Variants in EIF6 observed in about 807,000 individuals in gnomAD.
EIF6 encodes B4 integrin interactor.
In EIF6, 10 loss-of-function variants were observed where a neutral mutation model predicts 25.5. The ratio of observed to expected loss-of-function variants is 0.39; its 90% CI spans 0.24 to 0.66. The LOEUF (loss-of-function observed/expected upper bound fraction) is 0.66. Among genes scored for constraint, EIF6 ranks in the 30% least tolerant of loss-of-function variants. The pLI, the probability that EIF6 is intolerant of heterozygous loss-of-function variation, is 0.45. For missense variants in EIF6, 246 were observed against 315.4 expected, an observed-to-expected ratio of 0.78 and a Z score of 1.67; for synonymous variants, 122 against 122.6, an observed-to-expected ratio of 1.00 and a Z score of 0.03.
chr20:35,283,296 AT>A (rs370085356), intron 3 of EIF6, among the ~76,000 whole-genome samples: 16,927 of 122,052 alleles, frequency 0.14, 1,090 homozygotes, highest in South Asian at 0.25. Context: ...TCAAAAAAAA[AT>A]AATAATAATA....
intron 3 of EIF6, 122 bp from the exon 4 acceptor site, chr20:35,280,951 C>T (rs891873892): frequency 2.6e-6 from 3 of 1,156,388 alleles, no homozygotes; most frequent in African/African-American, 3.1e-5. Flanking sequence ...AGAGCCCAGC[C>T]CTCCAACCCA....
intron 6 of EIF6, 112 bp from the exon 7 acceptor site, chr20:35,279,318 C>T (rs2060749097): frequency 1.4e-6 from 2 of 1,392,394 alleles, no homozygotes; most frequent in Non-Finnish European, 2.0e-6. Flanking sequence ...ACAAGCTGCT[C>T]AAGCAGCTAC....
In EIF6 at chr20:35,278,924, G is replaced by C. The variant is rs1045698603; in HGVS notation, c.*273C>G. On this transcript the variant is annotated 3_prime_UTR_variant, in exon 7 of 7. Transcript: ENST00000374450. ...CCAAACATCACATTCAGAATGGCCC[G>C]GAGGGAACTGCACTTTAATGGGGTG... is the stretch of plus-strand genomic sequence containing the variant. 4 of 529,336 alleles carry C rather than the reference G, an allele frequency of 7.6e-6. No homozygotes were observed. In the Admixed American group the frequency reaches 1.3e-4, roughly 17 times the overall value. 32.8% of individuals were successfully genotyped at this position (529,336 alleles called of 1,614,324 possible). A position where few individuals can be genotyped will look rare whatever the true frequency, so the allele number is the denominator to read the frequency against.
chr20:35,279,225 G>A lies in EIF6; in HGVS notation c.729-19C>T, dbSNP rs537414301. ...GGTGAGGCTGAAGAGAAAGGAAAGCGCACGGTCAGTAGCTGTTTCACAGAG... is the reference window on the plus strand; with the variant it reads ...GGTGAGGCTGAAGAGAAAGGAAAGCACACGGTCAGTAGCTGTTTCACAGAG... On this transcript the variant is annotated intron_variant, in intron 6 of 6. Coordinates refer to ENST00000374450, the MANE Select transcript of EIF6 (RefSeq NM_002212.4). 111 of 1,613,068 alleles carry A rather than the reference G, an allele frequency of 6.9e-5. 1 individual carries two copies. In the Middle Eastern group the frequency reaches 1.2e-3, roughly 17 times the overall value.
intron 4 of EIF6, among the ~76,000 whole-genome samples, 167 bp downstream of exon 4, chr20:35,280,487 C>T (rs1324574053): frequency 6.6e-6 from 1 of 152,198 alleles, no homozygotes. Flanking sequence ...CTTTCTGACA[C>T]TTGATAAGGC....
rs1184627603 is a variant in EIF6 at position 35,279,625 on chromosome 20, C to T, written c.669G>A (p.Lys223=). The change falls in exon 6 of 7, where the codon AAG becomes AAA. Residue 223 remains lysine (K), a synonymous_variant. Coordinates refer to ENST00000374450, the MANE Select transcript of EIF6 (RefSeq NM_002212.4). ...TGGTGCTAGGCTGGGCTTCATTCAG[C>T]TTGAAGACACTCTCCACCACTGACA... is the stretch of plus-strand genomic sequence containing the variant. ...TELSVVESVF[K]LNEAQPSTIA... 6.2e-7 allele frequency: 1 copy of T among 1,614,196 alleles called. No individual in the cohort carries two copies. Among genetic ancestry groups the T allele is most frequent in the South Asian group, 1.1e-5 (1 of 91,086 alleles).
At position 35,284,772 on chromosome 20, in the gene EIF6, T is replaced by G. The variant is rs764272145; in HGVS notation, c.-52A>C. On this transcript the variant is annotated 5_prime_UTR_variant, in exon 1 of 7. Coordinates refer to ENST00000374450, the MANE Select transcript of EIF6 (RefSeq NM_002212.4). ...CGCACGCGGCGACTGTACCTTGGAC[T>G]CCCTAAAAAGGTTTCCGTTTCCACT... 1.1e-5 allele frequency: 5 copies of G among 451,262 alleles called. No homozygotes were observed. Among genetic ancestry groups the G allele is most frequent in the Non-Finnish European group, 2.0e-5 (5 of 251,034 alleles). The allele number at this position is 451,262 out of a possible 1,614,324, so 28.0% of individuals were successfully genotyped here.
chr20:35,284,579 C>T (rs2060809573), intron 1 of EIF6, 87 bp from the exon 2 acceptor site: 1 of 1,461,768 alleles, frequency 6.8e-7, no homozygotes, highest in Non-Finnish European at 9.3e-7. Context: ...GCCGCGACCC[C>T]GCCCCTCTCG....
intron 3 of EIF6, among the ~76,000 whole-genome samples, chr20:35,283,073 C>T (rs1410400615): frequency 6.6e-6 from 1 of 151,946 alleles, no homozygotes; most frequent in Non-Finnish European, 1.5e-5. Context: ...GGGAGGATCA[C>T]CTGAGGTCAG....
intron 3 of EIF6, among the ~76,000 whole-genome samples, chr20:35,282,995 C>T (rs906624448): frequency 3.3e-5 from 5 of 152,132 alleles, no homozygotes; most frequent in African/African-American, 1.2e-4. Context: ...ACAGATCCAG[C>T]TTAATGAAAG....
At chr20:35,280,943 A>G in intron 3 of EIF6, 114 bp from the exon 4 acceptor site, 1 of 1,243,558 alleles carries the variant, frequency 8.0e-7, no homozygotes, top group Non-Finnish European at 1.1e-6. Flanking sequence ...TTAGGCCCAG[A>G]GCCCAGCCCT....
intron 3 of EIF6, among the ~76,000 whole-genome samples, chr20:35,283,247 T>C (rs907011001): frequency 3.3e-5 from 5 of 151,652 alleles, no homozygotes; most frequent in African/African-American, 4.9e-5. Flanking sequence ...GATCGTGCCA[T>C]TGCACTCCAG....
intron 3 of EIF6, among the ~76,000 whole-genome samples, chr20:35,283,063 GGGA>G (rs1220737839): frequency 6.6e-6 from 1 of 151,912 alleles, no homozygotes; most frequent in Non-Finnish European, 1.5e-5. Flanking sequence ...AGGCCGAGGT[GGGA>G]GGATCACCTG....
rs1245633995 is a variant in EIF6, at chr20:35,279,635, C to T, written c.659G>A (p.Ser220Asn). Residue 220 changes from serine (S) to asparagine (N), a missense_variant, in exon 6 of 7, where the codon AGT becomes AAT. By Grantham distance (46) the Ser-to-Asn change is conservative. Coordinates refer to ENST00000374450, the MANE Select transcript of EIF6 (RefSeq NM_002212.4). ...CTGGGCTTCATTCAGCTTGAAGACACTCTCCACCACTGACAGCTCTGTGCT... is the reference window on the plus strand; with the variant it reads ...CTGGGCTTCATTCAGCTTGAAGACATTCTCCACCACTGACAGCTCTGTGCT... ...TTSTELSVVESVFKLNEAQPS... is the reference protein window; with the variant it reads ...TTSTELSVVENVFKLNEAQPS... 2 of 1,614,098 alleles carry T rather than the reference C, an allele frequency of 1.2e-6. No homozygotes were observed. The highest frequency in any genetic ancestry group is 1.7e-6 in the Non-Finnish European group (2 of 1,180,048).
chr20:35,279,401 A>G (rs1225687003), intron 6 of EIF6, among the ~76,000 whole-genome samples, 165 bp downstream of exon 6: 1 of 152,196 alleles, frequency 6.6e-6, no homozygotes, highest in Non-Finnish European at 1.5e-5. Flanking sequence ...TTTTTTGAAT[A>G]TGCTGGCTCT....
In EIF6 at chr20:35,284,711, C is replaced by T; in HGVS notation, c.-6+15G>A. 1.7e-6 allele frequency: 1 copy of T among 586,494 alleles called. No homozygotes were observed. Among genetic ancestry groups the T allele is most frequent in the Non-Finnish European group, 3.0e-6 (1 of 331,618 alleles). The allele number at this position is 586,494 out of a possible 1,614,324, so 36.3% of individuals were successfully genotyped here. A position where few individuals can be genotyped will look rare whatever the true frequency, so the allele number is the denominator to read the frequency against. ...CCGGAGCTGACCCTCCCAGGTTCCC[C>T]TCACACCAGCTTACCAAGTAACCAG... is the stretch of plus-strand genomic sequence containing the variant. On this transcript the variant is annotated intron_variant, in intron 1 of 6. Transcript: ENST00000374450.
chr20:35,284,636 C>G, intron 1 of EIF6, 90 bp downstream of exon 1: 3 of 931,414 alleles, frequency 3.2e-6, no homozygotes, highest in African/African-American at 1.7e-5. Flanking sequence ...GGGCCCCCAC[C>G]AGAACCTCCG....
chr20:35,280,783 C>A lies in EIF6; in HGVS notation c.240G>T (p.Glu80Asp). 1.2e-6 allele frequency: 2 copies of A among 1,614,174 alleles called. No individual in the cohort carries two copies. Among genetic ancestry groups the A allele is most frequent in the Non-Finnish European group, 1.7e-6 (2 of 1,180,034 alleles). Reference sequence around the variant, plus strand: ...GGAGGCTGTTGCGAATGTGTTGCAGCTCCTGGTCGGTGGTATTGTTGGGTA... The same window carrying A: ...GGAGGCTGTTGCGAATGTGTTGCAGATCCTGGTCGGTGGTATTGTTGGGTA... ...LLVPNNTTDQ[E>D]LQHIRNSLPD... is the part of the protein sequence containing the mutation. Residue 80 changes from glutamate to aspartate, a missense_variant, in exon 4 of 7, where the codon GAG (glutamate) becomes GAT (aspartate). By Grantham distance (45) the Glu-to-Asp change is conservative. Transcript: ENST00000374450.
At chr20:35,283,746 GC>G (rs1381097836) in intron 3 of EIF6, among the ~76,000 whole-genome samples, 6 of 151,368 alleles carry the variant, frequency 4.0e-5, no homozygotes, top group African/African-American at 1.5e-4. Flanking sequence ...GATGCAGACA[GC>G]TGTGATCTTG....
Sources: gnomAD v4.1 joint callset for allele counts (sites outside exome capture counted in the v4.1 genomes callset) on GRCh38, gnomAD v4.1.1 for gene constraint, MANE v1.5 for transcripts, NCBI Gene and HGNC (gene_info 2026-07-23, HGNC 2026-07-21) for gene names.